The following NWD1 variants were observed in gnomAD, a reference collection of about 807,000 sequenced individuals.
The protein encoded by NWD1 is NACHT and WD repeat domain containing 1.
NWD1 carries 129 observed loss-of-function variants against 135.1 expected under a neutral mutation model. The observed-to-expected ratio is 0.96, with a 90% confidence interval of 0.83 to 1.11. The LOEUF is 1.11. Ranked by LOEUF, NWD1 falls within the 50% of genes least tolerant of loss-of-function variation. The pLI, the probability that NWD1 is intolerant of heterozygous loss-of-function variation, is 0.00. For missense variants in NWD1, 1,740 were observed against 1,851.3 expected (o/e 0.94, Z 1.10); for synonymous variants, 773 against 786.0 (o/e 0.98, Z 0.28).
intron 18 of NWD1, among the ~76,000 whole-genome samples, chr19:16,813,628 C>A (rs1970989653): frequency 6.6e-6 from 1 of 151,992 alleles, no homozygotes; most frequent in Non-Finnish European, 1.5e-5. Flanking sequence ...GGGCGCCCAC[C>A]ACCACACTCA....
intron 6 of NWD1, among the ~76,000 whole-genome samples, chr19:16,752,526 T>TGCATGCCTACAGACCTA (rs147804464): frequency 1.3e-5 from 2 of 151,860 alleles, no homozygotes; most frequent in East Asian, 3.9e-4. Context: ...AGCATGGTGG[T>TGCATGCCTACAGACCTA]GCTACTCCGG....
intron 5 of NWD1, among the ~76,000 whole-genome samples, chr19:16,745,676 G>A (rs1343280185): frequency 6.6e-6 from 1 of 152,092 alleles, no homozygotes; most frequent in Non-Finnish European, 1.5e-5. Context: ...GGAGGCAGAG[G>A]CTGTGGTAAG....
chr19:16,761,723 T>C (rs1009144934), intron 7 of NWD1, among the ~76,000 whole-genome samples: 9 of 152,088 alleles, frequency 5.9e-5, no homozygotes, highest in Admixed American at 2.0e-4. Context: ...GGTCAGGTGG[T>C]AAGTTATTTT....
intron 6 of NWD1, among the ~76,000 whole-genome samples, chr19:16,756,914 T>C (rs1968821429): frequency 1.3e-5 from 2 of 152,064 alleles, no homozygotes; most frequent in Admixed American, 1.3e-4. Flanking sequence ...ACAAACCTTG[T>C]TGGGAACTGC....
rs891785363 is a variant in NWD1 at position 16,805,660 on chromosome 19, C to T, written c.3737-1926C>T. Among the ~76,000 whole-genome samples the T allele has an allele frequency of 5.3e-5, 8 of 152,036 alleles. No homozygotes were observed. The East Asian group carries it at 1.2e-3, about 22-fold the overall frequency. On this transcript the variant is annotated intron_variant, in intron 17 of 18. Coordinates refer to ENST00000524140, the MANE Select transcript of NWD1 (RefSeq NM_001007525.5). ...CTCCATTTCCTTGGGCCCTGGTTCA[C>T]CCTGCAACCAGCAAACAAGCACCTC...
At position 16,774,525 on chromosome 19, in the gene NWD1, A is replaced by T. The variant is rs569098541; in HGVS notation, c.2608+1202A>T. 3.3e-5 allele frequency among the ~76,000 whole-genome samples: 5 copies of T among 150,332 alleles called. No individual in the cohort carries two copies. In the East Asian group the frequency reaches 9.9e-4, roughly 30 times the overall value. The stretch of plus-strand genomic sequence containing the variant: ...CATCTACCCTACCACTGTTTCATTT[A>T]TCTAGCCCCATTCATCCATCCACCC... On this transcript the variant is annotated intron_variant, in intron 11 of 18. Transcript: ENST00000524140.
chr19:16,750,159 T>A lies in NWD1; in HGVS notation c.1517T>A (p.Leu506His). The A allele has an allele frequency of 6.2e-7, 1 of 1,613,722 alleles. No individual in the cohort carries two copies. The change falls in exon 6 of 19, where the codon CTC (leucine) becomes CAC (histidine). Residue 506 changes from leucine (L) to histidine (H), a missense_variant. Transcript: ENST00000524140. ...SGNQGQQMIQ[L>H]LLAAARRTLS... is the part of the protein sequence containing the mutation. ...AACCAAGGCCAGCAGATGATCCAAC[T>A]CCTGCTGGCAGCTGCAAGGAGGACG...
rs113537476 is a variant in NWD1, at chr19:16,784,578, G to T, written c.2732-4404G>T. Among the ~76,000 whole-genome samples the T allele has an allele frequency of 3.8e-3, 581 of 152,070 alleles. 5 individuals are homozygous for T. Among genetic ancestry groups the T allele is most frequent in the African/African-American group, 0.013 (543 of 41,480 alleles). On this transcript the variant is annotated intron_variant, in intron 12 of 18. Transcript: ENST00000524140. The stretch of plus-strand genomic sequence containing the variant: ...GCCCTGAGAGGGGAATGAGGTTGGC[G>T]GGTCTACAGAACAGCAAGGAAATCA...
At chr19:16,811,499 G>C (rs563762873) in intron 18 of NWD1, among the ~76,000 whole-genome samples, 2 of 151,144 alleles carry the variant, frequency 1.3e-5, no homozygotes, top group African/African-American at 4.9e-5. Flanking sequence ...CAAGAGAATC[G>C]CTTGAACCCA....
Position 16,789,099 on chromosome 19 carries a change from A to G in NWD1, c.2849A>G (p.Asp950Gly). The change falls in exon 13 of 19, where the codon GAT becomes GGT. Residue 950 changes from aspartate to glycine, a missense_variant. Coordinates refer to ENST00000524140, the MANE Select transcript of NWD1 (RefSeq NM_001007525.5). Reference sequence around the variant, plus strand: ...GGCCAGGAGAAATTTACCATTTGGGATGGAGGCTCAAAAAATCCCGCTGAA... The same window carrying G: ...GGCCAGGAGAAATTTACCATTTGGGGTGGAGGCTCAAAAAATCCCGCTGAA... ...LSGQEKFTIW[D>G]GGSKNPAEPQ... 1 of 1,613,900 alleles carries G rather than the reference A, an allele frequency of 6.2e-7. No homozygotes were observed. The highest frequency in any genetic ancestry group is 2.2e-5 in the East Asian group (1 of 44,886).
chr19:16,765,114 C>T lies in NWD1; in HGVS notation c.2332C>T (p.His778Tyr). Residue 778 changes from histidine (H) to tyrosine (Y), a missense_variant, in exon 10 of 19, where the codon CAC (histidine) becomes TAC (tyrosine). By Grantham distance (83) the His-to-Tyr change is moderately conservative. Coordinates refer to ENST00000524140, the MANE Select transcript of NWD1 (RefSeq NM_001007525.5). ...LLDDFDLCAP[H>Y]LDSPEVGLVR... ...GGATGACTTTGACCTGTGTGCCCCTCACCTGGACTCCCCTGAGGTTGGCCT... is the reference window on the plus strand; with the variant it reads ...GGATGACTTTGACCTGTGTGCCCCTTACCTGGACTCCCCTGAGGTTGGCCT... 1 of 1,614,152 alleles carries T rather than the reference C, an allele frequency of 6.2e-7. No homozygotes were observed. The highest frequency in any genetic ancestry group is 8.5e-7 in the Non-Finnish European group (1 of 1,179,990).
chr19:16,767,294 C>T (rs148291568), intron 10 of NWD1, among the ~76,000 whole-genome samples: 2 of 148,136 alleles, frequency 1.4e-5, no homozygotes, highest in South Asian at 2.1e-4. Flanking sequence ...TGGCAGCAGG[C>T]GAGAGAGAGG....
chr19:16,793,035 GC>G (rs1970300851), intron 14 of NWD1, among the ~76,000 whole-genome samples: 1 of 147,552 alleles, frequency 6.8e-6, no homozygotes, highest in South Asian at 2.2e-4. Context: ...ACAGAGCCAG[GC>G]CCTGTCTCAA....
chr19:16,793,061 A>G (rs202236781), intron 14 of NWD1, among the ~76,000 whole-genome samples: 1 of 19,920 alleles, frequency 5.0e-5, no homozygotes, highest in Non-Finnish European at 1.7e-4. Flanking sequence ...ATTAAAAAAT[A>G]AAAAAAAAAA....
intron 15 of NWD1, among the ~76,000 whole-genome samples, chr19:16,796,774 T>G (rs1568387861): frequency 1.3e-5 from 2 of 152,176 alleles, no homozygotes; most frequent in Non-Finnish European, 2.9e-5. Flanking sequence ...AGGCCTGCTG[T>G]GTGCCCAGCT....
chr19:16,734,106 T>C (rs908617905), intron 3 of NWD1, among the ~76,000 whole-genome samples: 6 of 152,130 alleles, frequency 3.9e-5, no homozygotes, highest in African/African-American at 9.7e-5. Flanking sequence ...ACAAATGAAC[T>C]GCAAGCGTGC....
intron 5 of NWD1, among the ~76,000 whole-genome samples, chr19:16,745,762 A>G (rs1356148079): frequency 6.7e-6 from 1 of 149,704 alleles, no homozygotes; most frequent in African/African-American, 2.5e-5. Context: ...AAAAACAAAA[A>G]CAAAATTAGC....
At chr19:16,808,681 C>T (rs915432949) in intron 18 of NWD1, among the ~76,000 whole-genome samples, 4 of 152,020 alleles carry the variant, frequency 2.6e-5, no homozygotes, top group African/African-American at 9.7e-5. Flanking sequence ...AATCATAGCT[C>T]ATTGCAGCCT....
At chr19:16,731,675 G>A (rs796231918) in intron 3 of NWD1, among the ~76,000 whole-genome samples, 12 of 149,350 alleles carry the variant, frequency 8.0e-5, no homozygotes, top group African/African-American at 2.7e-4. Flanking sequence ...TGCAATCTCA[G>A]CTCACTGCAA....
Sources: allele counts gnomAD v4.1 joint callset (sites outside exome capture counted in the v4.1 genomes callset), GRCh38; gene constraint gnomAD v4.1.1; transcripts MANE v1.5; gene names NCBI Gene and HGNC (gene_info 2026-07-23, HGNC 2026-07-21).